CDK14: variants seen among roughly 807,000 people sequenced by gnomAD.
The protein encoded by CDK14 is cyclin dependent kinase 14, also known as cyclin-dependent kinase 14.
CDK14 carries 34 observed loss-of-function variants against 60.7 expected under a neutral mutation model. That is an observed-to-expected ratio of 0.56 (90% CI 0.43 to 0.75). The LOEUF is 0.75. CDK14 is among the 30% of genes least tolerant of loss of function. CDK14 has a pLI of 0.00. For synonymous variants in CDK14, 197 were observed against 203.7 expected, an observed-to-expected ratio of 0.97 and a Z score of 0.28; for missense variants, 482 against 564.1, an observed-to-expected ratio of 0.85 and a Z score of 1.47.
At chr7:91,152,583 C>T (rs560652299) in intron 14 of CDK14, among the ~76,000 whole-genome samples, 65 of 152,140 alleles carry the variant, frequency 4.3e-4, no homozygotes, top group Non-Finnish European at 7.9e-4. Context: ...TGTAATCTGT[C>T]ATTTGTTCAA....
intron 8 of CDK14, among the ~76,000 whole-genome samples, chr7:90,950,670 A>G (rs1794231117): frequency 6.6e-6 from 1 of 152,202 alleles, no homozygotes; most frequent in South Asian, 2.1e-4. Flanking sequence ...AATTGGAGAC[A>G]GGAGAAATGT....
intron 14 of CDK14, among the ~76,000 whole-genome samples, chr7:91,144,100 AG>A (rs763364640): frequency 2.0e-5 from 3 of 152,190 alleles, no homozygotes; most frequent in Non-Finnish European, 2.9e-5. Flanking sequence ...ATAAAATTAG[AG>A]GTTCAAGAAC....
intron 10 of CDK14, among the ~76,000 whole-genome samples, chr7:91,013,149 G>A (rs4727247): frequency 0.15 from 22,738 of 152,212 alleles, 1,938 homozygotes; most frequent in Middle Eastern, 0.31. Context: ...CACAGGCCTA[G>A]GTTTACATAG....
chr7:90,973,559 C>T (rs1474978454), intron 9 of CDK14, among the ~76,000 whole-genome samples: 1 of 152,120 alleles, frequency 6.6e-6, no homozygotes, highest in African/African-American at 2.4e-5. Flanking sequence ...ATCGGGGGGA[C>T]CAGCCCACAA....
intron 7 of CDK14, among the ~76,000 whole-genome samples, chr7:90,899,959 A>G (rs1792450859): frequency 6.6e-6 from 1 of 152,170 alleles, no homozygotes; most frequent in Admixed American, 6.6e-5. Flanking sequence ...TATATCTGAT[A>G]TGGCTTAATT....
intron 4 of CDK14, among the ~76,000 whole-genome samples, chr7:90,786,051 A>G (rs1805569852): frequency 6.6e-6 from 1 of 152,168 alleles, no homozygotes; most frequent in African/African-American, 2.4e-5. Context: ...CTGGTACGGC[A>G]CTTTGGAGTT....
chr7:90,748,735 A>G (rs1167092662), intron 4 of CDK14, among the ~76,000 whole-genome samples: 1 of 152,038 alleles, frequency 6.6e-6, no homozygotes, highest in Non-Finnish European at 1.5e-5. Flanking sequence ...AGCCCATGCC[A>G]TCATGTCTGG....
chr7:91,203,735 CA>C (rs1164330926), intron 14 of CDK14, among the ~76,000 whole-genome samples: 1 of 152,102 alleles, frequency 6.6e-6, no homozygotes, highest in African/African-American at 2.4e-5. Context: ...AGAAAAAGGA[CA>C]GTTTTGTCAT....
chr7:90,792,425 A>T (rs775802397), intron 5 of CDK14, among the ~76,000 whole-genome samples: 4 of 152,204 alleles, frequency 2.6e-5, no homozygotes, highest in Non-Finnish European at 5.9e-5. Context: ...CATTTCAGGA[A>T]TACAAGGCTA....
intron 2 of CDK14, among the ~76,000 whole-genome samples, chr7:90,645,513 G>GT (rs1800446305): frequency 6.6e-6 from 1 of 152,104 alleles, no homozygotes. Flanking sequence ...GAAGGTGTTG[G>GT]TGAAGTTGGT....
chr7:90,655,239 G>A (rs1375733681), intron 2 of CDK14, among the ~76,000 whole-genome samples: 1 of 152,130 alleles, frequency 6.6e-6, no homozygotes, highest in Non-Finnish European at 1.5e-5. Flanking sequence ...ACCCATTGAT[G>A]TAACATAGTT....
chr7:91,149,074 G>A (rs1383839127), intron 14 of CDK14, among the ~76,000 whole-genome samples: 1 of 152,028 alleles, frequency 6.6e-6, no homozygotes, highest in African/African-American at 2.4e-5. Context: ...ATTTTGCCCT[G>A]TTGAGAAAGG....
chr7:91,058,911 G>C (rs1797680191), intron 11 of CDK14, among the ~76,000 whole-genome samples: 1 of 152,132 alleles, frequency 6.6e-6, no homozygotes, highest in African/African-American at 2.4e-5. Context: ...GGATGATGCT[G>C]GCCTCATAAA....
In CDK14 at chr7:90,677,394, C is replaced by A. The variant is rs547863245; in HGVS notation, c.124-49173C>A. Among the ~76,000 whole-genome samples the A allele has an allele frequency of 2.0e-5, 3 of 152,272 alleles. No individual in the cohort carries two copies. The South Asian group carries it at 6.2e-4, about 32-fold the overall frequency. The stretch of plus-strand genomic sequence containing the variant: ...TTTTCACTTTTTCCAAACAAAGGTG[C>A]CTTAAAGTTATGCTGCCAAAGTCTT... On this transcript the variant is annotated intron_variant, in intron 2 of 14. Coordinates refer to ENST00000380050, the MANE Select transcript of CDK14 (RefSeq NM_001287135.2).
At chr7:90,625,878 A>G (rs1173727373) in intron 2 of CDK14, among the ~76,000 whole-genome samples, 2 of 152,264 alleles carry the variant, frequency 1.3e-5, no homozygotes, top group African/African-American at 4.8e-5. Flanking sequence ...AATCTGACCC[A>G]GCACCATTTT....
At chr7:91,137,259 T>C (rs1482603392) in intron 14 of CDK14, among the ~76,000 whole-genome samples, 1 of 152,194 alleles carries the variant, frequency 6.6e-6, no homozygotes, top group East Asian at 1.9e-4. Flanking sequence ...GAGAAGCATG[T>C]CTGAATTGGG....
At chr7:91,124,866 G>A (rs1317941268) in intron 14 of CDK14, among the ~76,000 whole-genome samples, 2 of 152,100 alleles carry the variant, frequency 1.3e-5, no homozygotes, top group Non-Finnish European at 2.9e-5. Flanking sequence ...ATCAGTTCAG[G>A]TGCTGTATTT....
At chr7:91,069,921 T>C (rs7790586) in intron 11 of CDK14, among the ~76,000 whole-genome samples, 27,744 of 152,010 alleles carry the variant, frequency 0.18, 3,120 homozygotes, top group African/African-American at 0.31. Context: ...ATTAGCCTCC[T>C]GAGTAGCTAG....
At chr7:90,676,313 A>G (rs1283335824) in intron 2 of CDK14, among the ~76,000 whole-genome samples, 1 of 152,020 alleles carries the variant, frequency 6.6e-6, no homozygotes, top group Admixed American at 6.6e-5. Context: ...TCCCTGAGAA[A>G]CTCACTTTGG....
Sources: allele counts gnomAD v4.1 joint callset (sites outside exome capture counted in the v4.1 genomes callset), GRCh38; gene constraint gnomAD v4.1.1; transcripts MANE v1.5; gene names NCBI Gene and HGNC (gene_info 2026-07-23, HGNC 2026-07-21).